The following GRM8 variants were observed in gnomAD, a reference collection of about 807,000 sequenced individuals.
The protein encoded by GRM8 is glutamate metabotropic receptor 8.
GRM8 carries 47 observed loss-of-function variants against 87.2 expected under a neutral mutation model. The observed-to-expected ratio is 0.54, with a 90% CI of 0.43 to 0.69. The LOEUF is 0.69. Among genes scored for constraint, GRM8 ranks in the 30% least tolerant of loss-of-function variants. GRM8 has a pLI of 0.00. For missense variants in GRM8, 1,019 were observed against 1,139.2 expected (o/e 0.89, Z 1.52); for synonymous variants, 396 against 404.5 (o/e 0.98, Z 0.25).
intron 7 of GRM8, among the ~76,000 whole-genome samples, chr7:126,681,488 G>T (rs1031516655): frequency 6.6e-6 from 1 of 152,188 alleles, no homozygotes; most frequent in Non-Finnish European, 1.5e-5. Flanking sequence ...ACATAAGATT[G>T]CAAACCAGAC....
At chr7:126,656,846 C>G in intron 7 of GRM8, among the ~76,000 whole-genome samples, 1 of 152,148 alleles carries the variant, frequency 6.6e-6, no homozygotes, top group East Asian at 1.9e-4. Flanking sequence ...TGCCTCTCAT[C>G]AGTAAGCATA....
chr7:126,450,886 T>G (rs1802547335), intron 9 of GRM8, among the ~76,000 whole-genome samples: 1 of 151,860 alleles, frequency 6.6e-6, no homozygotes, highest in African/African-American at 2.4e-5. Context: ...AGTCTTTTTC[T>G]CTCTGTCTCT....
chr7:126,863,474 A>C (rs1798312667), intron 6 of GRM8, among the ~76,000 whole-genome samples: 1 of 152,178 alleles, frequency 6.6e-6, no homozygotes, highest in Non-Finnish European at 1.5e-5. Context: ...TTTACGAATG[A>C]AGCATCTGAG....
intron 3 of GRM8, among the ~76,000 whole-genome samples, chr7:127,059,169 T>C (rs997616239): frequency 3.3e-5 from 5 of 152,102 alleles, no homozygotes; most frequent in Non-Finnish European, 7.4e-5. Flanking sequence ...AACATATTTT[T>C]GTATCTTGAA....
intron 3 of GRM8, among the ~76,000 whole-genome samples, chr7:126,923,589 G>A (rs3808143): frequency 0.11 from 16,902 of 152,110 alleles, 1,031 homozygotes; most frequent in East Asian, 0.22. Context: ...CACTTCAAGG[G>A]CCACAAGAAA....
At chr7:126,603,781 A>G (rs1006631403) in intron 8 of GRM8, among the ~76,000 whole-genome samples, 1 of 152,094 alleles carries the variant, frequency 6.6e-6, no homozygotes, top group Non-Finnish European at 1.5e-5. Flanking sequence ...CATAGGAAAG[A>G]GCATTTTCAC....
At chr7:126,593,196 A>G (rs1796855404) in intron 8 of GRM8, among the ~76,000 whole-genome samples, 1 of 152,034 alleles carries the variant, frequency 6.6e-6, no homozygotes, top group African/African-American at 2.4e-5. Context: ...CAAGCAATCT[A>G]CAATTCAATG....
intron 7 of GRM8, among the ~76,000 whole-genome samples, chr7:126,705,686 T>A (rs1168787562): frequency 6.9e-6 from 1 of 145,790 alleles, no homozygotes; most frequent in African/African-American, 2.5e-5. Context: ...ATGAATGTGT[T>A]ATTTGAACTC....
At chr7:126,718,777 C>G (rs1465630345) in intron 7 of GRM8, among the ~76,000 whole-genome samples, 2 of 152,172 alleles carry the variant, frequency 1.3e-5, no homozygotes, top group African/African-American at 4.8e-5. Context: ...TTCGTGTCAG[C>G]CACTTTCACT....
At chr7:126,781,873 G>A (rs1221896372) in intron 6 of GRM8, among the ~76,000 whole-genome samples, 2 of 151,922 alleles carry the variant, frequency 1.3e-5, no homozygotes, top group African/African-American at 2.4e-5. Flanking sequence ...GAGCCACCAC[G>A]ACCAGCTAAT....
chr7:126,749,060 G>A (rs1456284981), intron 7 of GRM8, among the ~76,000 whole-genome samples: 1 of 152,074 alleles, frequency 6.6e-6, no homozygotes, highest in Non-Finnish European at 1.5e-5. Context: ...GATCACTTGA[G>A]GTCAGGAGTT....
chr7:126,985,952 C>A (rs1812014652), intron 3 of GRM8, among the ~76,000 whole-genome samples: 1 of 152,036 alleles, frequency 6.6e-6, no homozygotes, highest in African/African-American at 2.4e-5. Context: ...ATTCTAATCA[C>A]CTTTTCAAAA....
At chr7:127,242,581 C>A (rs1266002527) in intron 2 of GRM8, 114 bp downstream of exon 2, 4 of 987,404 alleles carry the variant, frequency 4.1e-6, no homozygotes, top group African/African-American at 3.2e-5. Flanking sequence ...CTGGTAACAC[C>A]AAAAGGGTCT....
intron 7 of GRM8, among the ~76,000 whole-genome samples, chr7:126,736,581 G>A (rs1814255218): frequency 6.6e-6 from 1 of 151,788 alleles, no homozygotes; most frequent in African/African-American, 2.4e-5. Flanking sequence ...CTTACATTTA[G>A]GCAAAAAACT....
intron 3 of GRM8, among the ~76,000 whole-genome samples, chr7:126,914,490 T>C (rs1563312089): frequency 6.6e-6 from 1 of 152,138 alleles, no homozygotes; most frequent in Non-Finnish European, 1.5e-5. Flanking sequence ...CACAGCACTA[T>C]TACAATAGCA....
At chr7:127,016,468 A>C (rs766658346) in intron 3 of GRM8, among the ~76,000 whole-genome samples, 1 of 152,082 alleles carries the variant, frequency 6.6e-6, no homozygotes, top group African/African-American at 2.4e-5. Flanking sequence ...AATGATATAA[A>C]ATTGGGGAAA....
chr7:126,732,272 ATC>A (rs1813692149), intron 7 of GRM8, among the ~76,000 whole-genome samples: 1 of 152,176 alleles, frequency 6.6e-6, no homozygotes, highest in Non-Finnish European at 1.5e-5. Context: ...GTAAAAGAAC[ATC>A]TGTTATAAAA....
chr7:126,810,438 C>T (rs540155227), intron 6 of GRM8, among the ~76,000 whole-genome samples: 3 of 152,250 alleles, frequency 2.0e-5, no homozygotes, highest in South Asian at 4.1e-4. Flanking sequence ...ACCCATGACC[C>T]GGTTGCACAG....
intron 3 of GRM8, among the ~76,000 whole-genome samples, chr7:127,034,882 T>C (rs188123451): frequency 2.0e-5 from 3 of 152,252 alleles, no homozygotes; most frequent in East Asian, 3.9e-4. Context: ...AACTCTGAAC[T>C]TTCACTCAAG....
Sources: allele counts gnomAD v4.1 joint callset (sites outside exome capture counted in the v4.1 genomes callset), GRCh38; gene constraint gnomAD v4.1.1; transcripts MANE v1.5; gene names NCBI Gene and HGNC (gene_info 2026-07-23, HGNC 2026-07-21).